Variants in GPR39 observed in about 807,000 individuals in gnomAD.
GPR39 encodes the protein G protein-coupled receptor 39, also known as zinc sensing receptor.
A neutral mutation model predicts 18.4 loss-of-function variants in GPR39; 23 were observed. The observed-to-expected ratio is 1.25, with a 90% confidence interval of 0.90 to 1.77. The LOEUF is 1.77. Among genes scored for constraint, GPR39 ranks in the 40% most tolerant of loss-of-function variants. The probability of loss-of-function intolerance (pLI) is 0.00; values close to 1 mark genes in which losing one functional copy is unlikely to be tolerated. For synonymous variants in GPR39, 280 were observed against 257.9 expected (o/e 1.09, Z -0.82); for missense variants, 647 against 602.4 (o/e 1.07, Z -0.78).
intron 1 of GPR39, among the ~76,000 whole-genome samples, chr2:132,533,099 A>G (rs1368772183): frequency 5.9e-5 from 9 of 152,174 alleles, no homozygotes; most frequent in African/African-American, 2.2e-4. Flanking sequence ...AGAAAACCCC[A>G]TCGTCTCAGC....
At chr2:132,518,414 A>T (rs929569328) in intron 1 of GPR39, among the ~76,000 whole-genome samples, 4 of 152,166 alleles carry the variant, frequency 2.6e-5, no homozygotes, top group African/African-American at 7.2e-5. Context: ...TTGTTATTGA[A>T]TTTTATTTTC....
At chr2:132,569,373 A>G (rs1029447900) in intron 1 of GPR39, among the ~76,000 whole-genome samples, 1 of 152,070 alleles carries the variant, frequency 6.6e-6, no homozygotes, top group African/African-American at 2.4e-5. Context: ...GCTGAGCTCT[A>G]TATTCTAGCT....
rs1452135554 is a variant in GPR39, at chr2:132,504,564, T to A, written c.856+86666T>A. Among the ~76,000 whole-genome samples, 4 of 152,152 alleles carry A rather than the reference T, an allele frequency of 2.6e-5. No individual in the cohort carries two copies. In the East Asian group the frequency reaches 7.7e-4, roughly 29 times the overall value. ...CTGTGGACACCCTTCAATCACCTCT[T>A]CAGGGAAGAGCCTGTCTCTCCCAAC... On this transcript the variant is annotated intron_variant, in intron 1 of 1. Transcript: ENST00000329321.
At chr2:132,473,746 AT>A (rs546041379) in intron 1 of GPR39, among the ~76,000 whole-genome samples, 1 of 152,170 alleles carries the variant, frequency 6.6e-6, no homozygotes, top group Non-Finnish European at 1.5e-5. Context: ...CCACAGATGA[AT>A]TGAGAGACAT....
intron 1 of GPR39, chr2:132,604,379 A>G (rs1000935297): frequency 6.6e-6 from 1 of 152,210 alleles, no homozygotes; most frequent in Non-Finnish European, 1.5e-5. Context: ...GAGGGTATTC[A>G]TTATCACCAA....
intron 1 of GPR39, among the ~76,000 whole-genome samples, chr2:132,493,178 T>TACACC (rs1681540609): frequency 7.0e-6 from 1 of 143,014 alleles, no homozygotes; most frequent in South Asian, 2.2e-4. Context: ...ACACCATATA[T>TACACC]ACACCATATA....
intron 1 of GPR39, chr2:132,605,040 C>G (rs1254841495): frequency 6.6e-6 from 1 of 152,142 alleles, no homozygotes; most frequent in Non-Finnish European, 1.5e-5. Context: ...GTACTGTTTG[C>G]CTTATTTTAC....
At chr2:132,623,578 C>A (rs956894624) in intron 1 of GPR39, among the ~76,000 whole-genome samples, 7 of 152,208 alleles carry the variant, frequency 4.6e-5, no homozygotes, top group African/African-American at 1.7e-4. Context: ...AAAAATGACT[C>A]AGCATTCAGA....
intron 1 of GPR39, among the ~76,000 whole-genome samples, chr2:132,528,171 A>G (rs904390992): frequency 1.3e-5 from 2 of 152,178 alleles, no homozygotes; most frequent in Non-Finnish European, 2.9e-5. Flanking sequence ...TCCCAGTACC[A>G]CTTATTAAAT....
intron 1 of GPR39, among the ~76,000 whole-genome samples, chr2:132,607,830 C>T (rs547627032): frequency 1.3e-4 from 20 of 152,266 alleles, no homozygotes; most frequent in East Asian, 5.8e-4. Context: ...TTTAATTTTA[C>T]GCTCTTGGCA....
chr2:132,528,747 G>A (rs1476316763), intron 1 of GPR39, among the ~76,000 whole-genome samples: 2 of 152,244 alleles, frequency 1.3e-5, no homozygotes, highest in African/African-American at 4.8e-5. Context: ...TCTATTGTTG[G>A]TATATAGGAA....
chr2:132,607,384 AGG>A (rs1681158615), intron 1 of GPR39, among the ~76,000 whole-genome samples: 1 of 152,170 alleles, frequency 6.6e-6, no homozygotes, highest in Non-Finnish European at 1.5e-5. Flanking sequence ...TCTTCCCTTA[AGG>A]AGTATGAAAT....
At chr2:132,458,830 A>G (rs935780130) in intron 1 of GPR39, among the ~76,000 whole-genome samples, 4 of 152,104 alleles carry the variant, frequency 2.6e-5, no homozygotes, top group East Asian at 3.9e-4. Flanking sequence ...CCAGTCAATA[A>G]AGATGAGCAA....
At chr2:132,434,665 G>A (rs1034424143) in intron 1 of GPR39, among the ~76,000 whole-genome samples, 9 of 152,176 alleles carry the variant, frequency 5.9e-5, no homozygotes, top group Admixed American at 1.3e-4. Flanking sequence ...AAGTCTGGAA[G>A]GATGACACTA....
At chr2:132,615,287 G>C (rs1045281532) in intron 1 of GPR39, among the ~76,000 whole-genome samples, 2 of 152,070 alleles carry the variant, frequency 1.3e-5, no homozygotes, top group African/African-American at 4.8e-5. Flanking sequence ...AGCTCTGCAG[G>C]GTGCTTCTCC....
At chr2:132,434,145 A>G (rs7425737) in intron 1 of GPR39, among the ~76,000 whole-genome samples, 1 of 151,916 alleles carries the variant, frequency 6.6e-6, no homozygotes, top group Non-Finnish European at 1.5e-5. Flanking sequence ...AGAGTGCTCT[A>G]TTCTGAAAAA....
rs981403635 is a variant in GPR39, at chr2:132,417,258, G to T, written c.216G>T (p.Met72Ile). 12 of 1,614,048 alleles carry T rather than the reference G, an allele frequency of 7.4e-6. No homozygotes were observed. Among genetic ancestry groups the T allele is most frequent in the Non-Finnish European group, 1.0e-5 (12 of 1,180,042 alleles). The change falls in exon 1 of 2, where the codon ATG (methionine) becomes ATT (isoleucine). Residue 72 changes from methionine to isoleucine, a missense_variant. Met to Ile is a conservative substitution (Grantham distance 10, BLOSUM62 1). This residue lies in a region of GPR39 where 5 missense variants were observed against 16.4 expected (regional missense o/e 0.30). Coordinates refer to ENST00000329321, the MANE Select transcript of GPR39 (RefSeq NM_001508.3). The part of the protein sequence containing the change: ...GYLQKEVTDH[M>I]VSLACSDILV... ...TGCAGAAGGAGGTGACAGACCACAT[G>T]GTGAGTTTGGCTTGCTCGGACATCT... is the stretch of plus-strand genomic sequence containing the variant.
In GPR39 at chr2:132,535,695, C is replaced by CTTTTTTTTTTTTTTTTTTTTTTT. The variant is rs753801511; in HGVS notation, c.857-109395_857-109394insTTTTTTTTTTTTTTTTTTTTTTT. ...GGCTGTGAATCCATCTGGTCCTGGG[C>CTTTTTTTTTTTTTTTTTTTTTTT]TTTTTTTTTTTGGTTGGTAGGCTAT... On this transcript the variant is annotated intron_variant, in intron 1 of 1. Coordinates refer to ENST00000329321, the MANE Select transcript of GPR39 (RefSeq NM_001508.3). 2.0e-3 allele frequency among the ~76,000 whole-genome samples: 188 copies of CTTTTTTTTTTTTTTTTTTTTTTT among 96,318 alleles called. 18 individuals carry two copies. The highest frequency in any genetic ancestry group is 3.2e-3 in the East Asian group (5 of 1,580). The allele number at this position is 96,318 out of a possible 152,430, so 63.2% of individuals were successfully genotyped here.
Position 132,548,977 on chromosome 2 carries a change from C to T in GPR39, c.857-96124C>T, listed in dbSNP as rs562685182. The stretch of plus-strand genomic sequence containing the variant: ...CCCCTGTGATTCACTGTCACAGATA[C>T]GTGTGTGTGTATGTGTATATGTATT... On this transcript the variant is annotated intron_variant, in intron 1 of 1. Transcript: ENST00000329321. 6.6e-5 allele frequency among the ~76,000 whole-genome samples: 10 copies of T among 152,284 alleles called. No individual in the cohort carries two copies. The South Asian group carries it at 1.7e-3, about 25-fold the overall frequency.
Sources: allele counts gnomAD v4.1 joint callset (sites outside exome capture counted in the v4.1 genomes callset), GRCh38; gene constraint gnomAD v4.1.1; regional missense constraint gnomAD v4.1.1; transcripts MANE v1.5; gene names NCBI Gene and HGNC (gene_info 2026-07-23, HGNC 2026-07-21).